The following DMD variants were observed in gnomAD, a reference collection of about 807,000 sequenced individuals.
DMD encodes mutant dystrophin.
DMD carries 63 observed loss-of-function variants against 330.1 expected under a neutral mutation model. That is an observed-to-expected ratio of 0.19 (90% CI 0.16 to 0.24). The LOEUF (loss-of-function observed/expected upper bound fraction) is 0.24, where lower values mean the gene tolerates loss of function less well. DMD is among the 10% of genes least tolerant of loss of function. The pLI is 1.00. For missense variants in DMD, 3,344 were observed against 2,684.1 expected, an observed-to-expected ratio of 1.25 and a Z score of -5.43; for synonymous variants, 1,223 against 959.8, an observed-to-expected ratio of 1.27 and a Z score of -5.07.
At chrX:31,350,517 T>G (rs6527083) in intron 60 of DMD, among the ~76,000 whole-genome samples, 1 of 109,789 alleles carries the variant, frequency 9.1e-6, no homozygotes, top group Admixed American at 9.8e-5. Flanking sequence ...AGGAGGCACA[T>G]AGTATATGGT....
intron 42 of DMD, among the ~76,000 whole-genome samples, chrX:32,306,502 C>T (rs961496265): frequency 8.1e-5 from 9 of 111,207 alleles, no homozygotes; most frequent in African/African-American, 2.6e-4. Context: ...CATATGGCCA[C>T]GTTTTTCATC....
At chrX:31,467,149 C>G (rs2066913451) in intron 59 of DMD, among the ~76,000 whole-genome samples, 1 of 111,147 alleles carries the variant, frequency 9.0e-6, no homozygotes, top group Non-Finnish European at 1.9e-5. Flanking sequence ...ATTTGAATAC[C>G]CTTTATTTCT....
chrX:32,036,293 A>C (rs2095945707), intron 44 of DMD, among the ~76,000 whole-genome samples: 1 of 111,572 alleles, frequency 9.0e-6, no homozygotes, highest in Non-Finnish European at 1.9e-5. Context: ...GGAGAGGAGC[A>C]AGACTGAAAT....
At chrX:33,290,358 C>T (rs926565537) in intron 1 of DMD, among the ~76,000 whole-genome samples, 1 of 111,380 alleles carries the variant, frequency 9.0e-6, no homozygotes, top group Non-Finnish European at 1.9e-5. Flanking sequence ...CATGAACTCA[C>T]AATGAGCTTT....
intron 61 of DMD, among the ~76,000 whole-genome samples, chrX:31,333,407 C>CTTTTT (rs145925904): frequency 5.1e-5 from 2 of 39,337 alleles, no homozygotes; most frequent in African/African-American, 1.0e-4. Context: ...CTGCCCCCGC[C>CTTTTT]TTTTTTTTTT....
chrX:31,523,768 G>T (rs1381625451), intron 55 of DMD, among the ~76,000 whole-genome samples: 1 of 112,021 alleles, frequency 8.9e-6, no homozygotes, highest in Non-Finnish European at 1.9e-5. Context: ...TCTCTGTCTG[G>T]TAGCCCAGGG....
At chrX:31,927,642 AT>A (rs11378544) in intron 47 of DMD, among the ~76,000 whole-genome samples, 116 of 105,539 alleles carry the variant, frequency 1.1e-3, no homozygotes, top group African/African-American at 2.3e-3. Flanking sequence ...CCAAGAAGGG[AT>A]TTTTTTTTTT....
chrX:31,794,617 T>C (rs1473575555), intron 50 of DMD, among the ~76,000 whole-genome samples: 1 of 111,902 alleles, frequency 8.9e-6, no homozygotes, highest in Non-Finnish European at 1.9e-5. Context: ...GATAATCTCT[T>C]TTTATTAGGT....
In DMD at chrX:33,090,604, G is replaced by A. The variant is rs186615765; in HGVS notation, c.32-70404C>T. Among the ~76,000 whole-genome samples the A allele has an allele frequency of 1.2e-3, 129 of 108,632 alleles. 1 individual carries two copies. The highest frequency in any genetic ancestry group is 4.3e-3 in the African/African-American group (129 of 30,041). The allele number at this position is 108,632 out of a possible 115,157, so 94.3% of individuals were successfully genotyped here. ...CACTATAAATAAAACACAAAAGAGA[G>A]TTTGTCTTTTCTGGGCTTCATCTTC... is the stretch of plus-strand genomic sequence containing the variant. On this transcript the variant is annotated intron_variant, in intron 1 of 78. Transcript: ENST00000357033.
chrX:31,126,518 CATG>C (rs2033676423), intron 78 of DMD, 121 bp downstream of exon 78: 2 of 595,581 alleles, frequency 3.4e-6, no homozygotes, highest in Non-Finnish European at 5.8e-6. Flanking sequence ...ACCATCCTTA[CATG>C]ATGACACAAT....
At chrX:31,148,818 T>C (rs1175996865) in intron 74 of DMD, among the ~76,000 whole-genome samples, 1 of 112,175 alleles carries the variant, frequency 8.9e-6, no homozygotes, top group Non-Finnish European at 1.9e-5. Context: ...TCTTCCATGT[T>C]AACTGGCTTT....
chrX:31,263,174 G>A (rs1263012018), intron 62 of DMD, among the ~76,000 whole-genome samples: 1 of 112,552 alleles, frequency 8.9e-6, no homozygotes, highest in African/African-American at 3.2e-5. Context: ...ATTTAGCTGA[G>A]CTGATAAGCC....
At chrX:32,957,601 C>T (rs900400033) in intron 2 of DMD, among the ~76,000 whole-genome samples, 1 of 111,557 alleles carries the variant, frequency 9.0e-6, no homozygotes, top group African/African-American at 3.3e-5. Context: ...ATAGTCATGA[C>T]TCCTTTGAGT....
At chrX:32,655,171 T>A (rs911684595) in intron 9 of DMD, among the ~76,000 whole-genome samples, 1 of 111,925 alleles carries the variant, frequency 8.9e-6, no homozygotes, top group African/African-American at 3.3e-5. Flanking sequence ...ATTTCTTGCC[T>A]TCTGCTAGCT....
At chrX:32,635,161 A>G (rs987177735) in intron 11 of DMD, among the ~76,000 whole-genome samples, 1 of 111,133 alleles carries the variant, frequency 9.0e-6, no homozygotes, top group Non-Finnish European at 1.9e-5. Flanking sequence ...AATCACTGCA[A>G]TCTCCCTTCT....
At chrX:32,528,764 C>T (rs112259527) in intron 17 of DMD, among the ~76,000 whole-genome samples, 2,574 of 110,782 alleles carry the variant, frequency 0.023, 55 homozygotes, top group Admixed American at 0.076. Context: ...TATCTCAACC[C>T]AAACATTCCT....
intron 21 of DMD, among the ~76,000 whole-genome samples, chrX:32,481,176 T>A (rs2041855272): frequency 9.0e-6 from 1 of 110,527 alleles, no homozygotes; most frequent in Admixed American, 9.6e-5. Flanking sequence ...CTACTGTCTC[T>A]GTAAGAGGTA....
chrX:32,886,551 C>T (rs1320303306), intron 2 of DMD, among the ~76,000 whole-genome samples: 1 of 109,568 alleles, frequency 9.1e-6, no homozygotes, highest in Admixed American at 9.7e-5. Context: ...GGCGTGGTGG[C>T]AGGCGCCTGT....
intron 1 of DMD, among the ~76,000 whole-genome samples, chrX:33,265,271 C>T (rs1044960610): frequency 5.4e-5 from 6 of 110,609 alleles, no homozygotes; most frequent in Non-Finnish European, 9.5e-5. Context: ...TCAACACACC[C>T]GGAGGGCTCT....
Sources: gnomAD v4.1 joint callset for allele counts (sites outside exome capture counted in the v4.1 genomes callset) on GRCh38, gnomAD v4.1.1 for gene constraint, MANE v1.5 for transcripts, NCBI Gene and HGNC (gene_info 2026-07-23, HGNC 2026-07-21) for gene names.